The following CDH18 variants were observed in gnomAD, a reference collection of about 807,000 sequenced individuals.
CDH18 encodes the protein cadherin-18.
CDH18 carries 31 observed loss-of-function variants against 67.9 expected under a neutral mutation model. That is an observed-to-expected ratio of 0.46 (90% CI 0.34 to 0.62). The LOEUF is 0.62. Ranked by LOEUF, CDH18 falls within the 20% of genes least tolerant of loss-of-function variation. The probability of loss-of-function intolerance (pLI) is 0.01; values close to 1 mark genes in which losing one functional copy is unlikely to be tolerated. For missense variants in CDH18, 890 were observed against 975.5 expected (o/e 0.91, Z 1.17); for synonymous variants, 362 against 347.2 (o/e 1.04, Z -0.48).
At chr5:20,371,895 G>A (rs1425981359) in intron 1 of CDH18, among the ~76,000 whole-genome samples, 1 of 152,170 alleles carries the variant, frequency 6.6e-6, no homozygotes, top group South Asian at 2.1e-4. Flanking sequence ...TTGGCGATAT[G>A]AGCATGAGGA....
chr5:20,507,910 G>T (rs1019896115), intron 1 of CDH18, among the ~76,000 whole-genome samples: 1 of 151,968 alleles, frequency 6.6e-6, no homozygotes, highest in Non-Finnish European at 1.5e-5. Context: ...ATCTAGACAC[G>T]CAGGACTTTT....
chr5:20,558,645 C>T (rs1371364575), intron 1 of CDH18, among the ~76,000 whole-genome samples: 2 of 151,986 alleles, frequency 1.3e-5, no homozygotes, highest in Admixed American at 6.6e-5. Context: ...CTCCTCAAGT[C>T]TGGGTTCAGC....
intron 1 of CDH18, among the ~76,000 whole-genome samples, chr5:20,545,652 A>C (rs916596310): frequency 2.0e-5 from 3 of 152,196 alleles, no homozygotes; most frequent in African/African-American, 7.2e-5. Flanking sequence ...GGCTGCACAG[A>C]GCAGCAGGAT....
At chr5:19,527,742 C>T (rs2126954860) in intron 9 of CDH18, among the ~76,000 whole-genome samples, 1 of 151,854 alleles carries the variant, frequency 6.6e-6, no homozygotes, top group African/African-American at 2.4e-5. Context: ...ATTTATTCAA[C>T]TTTTGTCAGT....
chr5:19,536,906 C>T (rs372049884), intron 9 of CDH18, among the ~76,000 whole-genome samples: 3 of 152,030 alleles, frequency 2.0e-5, no homozygotes, highest in African/African-American at 4.8e-5. Flanking sequence ...GTATGGCACT[C>T]GAGGTGATTC....
At chr5:20,173,720 T>A (rs1439764777) in intron 2 of CDH18, among the ~76,000 whole-genome samples, 1 of 152,180 alleles carries the variant, frequency 6.6e-6, no homozygotes, top group Non-Finnish European at 1.5e-5. Flanking sequence ...TGCTGAAATT[T>A]ACAGAAATTA....
chr5:20,555,402 G>T (rs1424694485), intron 1 of CDH18, among the ~76,000 whole-genome samples: 3 of 78,130 alleles, frequency 3.8e-5, no homozygotes, highest in African/African-American at 1.1e-4. Context: ...ACCAAGACAA[G>T]CTTTTCTTTT....
At chr5:19,658,407 GT>G (rs1756701490) in intron 5 of CDH18, among the ~76,000 whole-genome samples, 1 of 152,074 alleles carries the variant, frequency 6.6e-6, no homozygotes, top group South Asian at 2.1e-4. Flanking sequence ...CTCTAGACAA[GT>G]TTTCCAAAAA....
At chr5:19,741,440 T>G (rs1769203149) in intron 4 of CDH18, among the ~76,000 whole-genome samples, 1 of 147,644 alleles carries the variant, frequency 6.8e-6, no homozygotes, top group Non-Finnish European at 1.5e-5. Flanking sequence ...CAATACACAA[T>G]TTTTTTTTTA....
At chr5:19,834,721 G>T (rs1472181310) in intron 3 of CDH18, among the ~76,000 whole-genome samples, 1 of 152,038 alleles carries the variant, frequency 6.6e-6, no homozygotes, top group African/African-American at 2.4e-5. Flanking sequence ...CTGGTGTGTT[G>T]TCTCATGGTT....
At position 19,747,064 on chromosome 5, in the gene CDH18, C is replaced by A; in HGVS notation, c.401G>T (p.Arg134Leu). Residue 134 changes from arginine (R) to leucine (L), a missense_variant, in exon 4 of 13, where the codon CGT becomes CTT. Coordinates refer to ENST00000382275, the MANE Select transcript of CDH18 (RefSeq NM_004934.5). ...YVLHAQAIDR[R>L]TNKPLEPESE... is the part of the protein sequence containing the mutation. ...TTCAGGCTCAAGAGGTTTGTTTGTACGTCTATCAATAGCTTGAGCATGAAG... is the reference window on the plus strand; with the variant it reads ...TTCAGGCTCAAGAGGTTTGTTTGTAAGTCTATCAATAGCTTGAGCATGAAG... 9.9e-6 allele frequency: 16 copies of A among 1,614,048 alleles called. No homozygotes were observed. Among genetic ancestry groups the A allele is most frequent in the Non-Finnish European group, 1.4e-5 (16 of 1,179,984 alleles).
intron 3 of CDH18, among the ~76,000 whole-genome samples, chr5:19,775,582 A>C (rs1183695546): frequency 6.6e-6 from 1 of 152,128 alleles, no homozygotes; most frequent in Non-Finnish European, 1.5e-5. Flanking sequence ...ACCAGATTTC[A>C]GGAGAACTCA....
At chr5:20,268,658 G>A (rs529549655) in intron 1 of CDH18, among the ~76,000 whole-genome samples, 2 of 152,214 alleles carry the variant, frequency 1.3e-5, no homozygotes, top group African/African-American at 2.4e-5. Context: ...CCAGAAGGAT[G>A]AGGCTTCAGT....
chr5:20,372,077 T>C (rs1037490617), intron 1 of CDH18, among the ~76,000 whole-genome samples: 9 of 152,234 alleles, frequency 5.9e-5, no homozygotes, highest in Non-Finnish European at 1.3e-4. Flanking sequence ...ATACATTTTT[T>C]TTGTAAGATG....
chr5:20,509,425 A>G (rs1434851178), intron 1 of CDH18, among the ~76,000 whole-genome samples: 1 of 77,990 alleles, frequency 1.3e-5, no homozygotes, highest in Non-Finnish European at 3.3e-5. Context: ...TTTTTTTTAG[A>G]TGGAGTCTCA....
At chr5:19,654,139 G>A (rs1345234211) in intron 5 of CDH18, among the ~76,000 whole-genome samples, 2 of 152,068 alleles carry the variant, frequency 1.3e-5, no homozygotes, top group African/African-American at 4.8e-5. Flanking sequence ...TGAGGGAGAA[G>A]GATGGGACTC....
chr5:20,370,712 G>C (rs1742914891), intron 1 of CDH18, among the ~76,000 whole-genome samples: 1 of 152,154 alleles, frequency 6.6e-6, no homozygotes, highest in South Asian at 2.1e-4. Flanking sequence ...AACATTTTGA[G>C]AGGGCTATGA....
intron 1 of CDH18, among the ~76,000 whole-genome samples, chr5:20,508,323 TTATATATATA>T (rs55885279): frequency 0.031 from 3,473 of 111,026 alleles, 111 homozygotes; most frequent in African/African-American, 0.093. Flanking sequence ...ATGACTATGA[TTATATATATA>T]TATATATATA....
intron 2 of CDH18, among the ~76,000 whole-genome samples, chr5:20,174,330 C>T (rs1010320740): frequency 6.6e-6 from 1 of 152,086 alleles, no homozygotes; most frequent in African/African-American, 2.4e-5. Context: ...TACTCTCAGC[C>T]CTGGGTCACA....
Sources: allele counts gnomAD v4.1 joint callset (sites outside exome capture counted in the v4.1 genomes callset), GRCh38; gene constraint gnomAD v4.1.1; transcripts MANE v1.5; gene names NCBI Gene and HGNC (gene_info 2026-07-23, HGNC 2026-07-21).